The following RGS12 variants were observed in gnomAD, a reference collection of about 807,000 sequenced individuals.
The protein encoded by RGS12 is regulator of G-protein signaling 12.
A neutral mutation model predicts 120.1 loss-of-function variants in RGS12; 66 were observed. That is an observed-to-expected ratio of 0.55 (90% confidence interval 0.45 to 0.67). The LOEUF (loss-of-function observed/expected upper bound fraction) is 0.67, where lower values mean the gene tolerates loss of function less well. RGS12 is among the 30% of genes least tolerant of loss of function. The pLI is 0.00. For synonymous variants in RGS12, 827 were observed against 804.7 expected (o/e 1.03, Z -0.47); for missense variants, 1,859 against 1,957.7 (o/e 0.95, Z 0.95).
Position 3,352,776 on chromosome 4 carries a change from CTT to C in RGS12, c.1998+9726_1998+9727del, listed in dbSNP as rs144670931. 1.0e-3 allele frequency among the ~76,000 whole-genome samples: 152 copies of C among 152,224 alleles called. 1 individual carries two copies. The highest frequency in any genetic ancestry group is 3.5e-3 in the African/African-American group (146 of 41,528). On this transcript the variant is annotated intron_variant, in intron 3 of 17. Transcript: ENST00000336727. ...TTGTGCAAGGTTGTAGTTTTCCAGTCTTTTGTAATAAGTCTTGTTATCAGGCA... is the reference window on the plus strand; with the variant it reads ...TTGTGCAAGGTTGTAGTTTTCCAGTCTTGTAATAAGTCTTGTTATCAGGCA...
intron 4 of RGS12, among the ~76,000 whole-genome samples, chr4:3,402,427 G>T (rs1353433343): frequency 6.6e-6 from 1 of 152,142 alleles, no homozygotes; most frequent in East Asian, 1.9e-4. Flanking sequence ...CCTGAAGCCT[G>T]GTCCTCTGGC....
intron 3 of RGS12, among the ~76,000 whole-genome samples, chr4:3,376,086 G>A (rs1278770803): frequency 6.6e-6 from 1 of 152,212 alleles, no homozygotes; most frequent in Non-Finnish European, 1.5e-5. Flanking sequence ...TGTCCCAGGA[G>A]GACACTACTT....
rs904224682 is a variant in RGS12 at position 3,374,164 on chromosome 4, GGT to G, written c.1999-12251_1999-12250del. Reference sequence around the variant, plus strand: ...TTGGGCGGATGTGGAGGCTGGTTGAGGTTCCTTGCAACGCTTGCCATCCTACG... The same window carrying G: ...TTGGGCGGATGTGGAGGCTGGTTGAGTCCTTGCAACGCTTGCCATCCTACG... On this transcript the variant is annotated intron_variant, in intron 3 of 17. Coordinates refer to ENST00000336727, the MANE Select transcript of RGS12 (RefSeq NM_001394154.1). The surrounding 1 kb of genome is among the most constrained non-coding windows in gnomAD (Gnocchi z 6.3). Among the ~76,000 whole-genome samples the G allele has an allele frequency of 2.0e-5, 3 of 152,226 alleles. No homozygotes were observed. The highest frequency in any genetic ancestry group is 2.9e-5 in the Non-Finnish European group (2 of 68,020).
At chr4:3,370,572 A>G (rs866584989) in intron 3 of RGS12, among the ~76,000 whole-genome samples, 1 of 152,378 alleles carries the variant, frequency 6.6e-6, no homozygotes, top group South Asian at 2.1e-4. Flanking sequence ...CGGGAGCCCA[A>G]GCTGCCAGGT....
intron 3 of RGS12, among the ~76,000 whole-genome samples, chr4:3,384,277 C>T (rs887540819): frequency 6.6e-6 from 1 of 152,158 alleles, no homozygotes; most frequent in Non-Finnish European, 1.5e-5. Flanking sequence ...GCCTCAGCCT[C>T]CCGAGTAGCT....
chr4:3,326,691 A>C (rs939412565), intron 2 of RGS12, among the ~76,000 whole-genome samples: 2 of 152,374 alleles, frequency 1.3e-5, no homozygotes, highest in Non-Finnish European at 2.9e-5. Context: ...TGAGAAAGAA[A>C]TCAAGGAAGC....
chr4:3,401,130 C>A (rs1470908640), intron 4 of RGS12, among the ~76,000 whole-genome samples: 1 of 152,104 alleles, frequency 6.6e-6, no homozygotes, highest in Admixed American at 6.6e-5. Flanking sequence ...CTTTCCTAAG[C>A]AAAACACATG....
At chr4:3,320,507 A>G (rs1725105352) in intron 2 of RGS12, among the ~76,000 whole-genome samples, 1 of 152,224 alleles carries the variant, frequency 6.6e-6, no homozygotes, top group South Asian at 2.1e-4. Flanking sequence ...CTGTCAGGTG[A>G]CTTGCTCACA....
intron 7 of RGS12, among the ~76,000 whole-genome samples, chr4:3,416,709 C>T (rs1445000142): frequency 2.6e-5 from 4 of 152,020 alleles, no homozygotes; most frequent in Admixed American, 2.0e-4. Flanking sequence ...AAGGCTGGTT[C>T]GTTATGAGAA....
intron 2 of RGS12, among the ~76,000 whole-genome samples, chr4:3,340,113 CCATTGTTGG>C (rs1226242651): frequency 6.6e-6 from 1 of 152,252 alleles, no homozygotes; most frequent in Non-Finnish European, 1.5e-5. Context: ...CCTGCGCTCC[CCATTGTTGG>C]GCAGTCAGTC....
intron 3 of RGS12, among the ~76,000 whole-genome samples, chr4:3,373,743 C>T (rs137994092): frequency 2.0e-3 from 303 of 152,282 alleles, no homozygotes; most frequent in African/African-American, 7.0e-3. Context: ...TTGCCCTGAG[C>T]CTGGTGCAGG....
At chr4:3,408,415 G>C (rs1461275735) in intron 4 of RGS12, among the ~76,000 whole-genome samples, 1 of 152,224 alleles carries the variant, frequency 6.6e-6, no homozygotes, top group East Asian at 1.9e-4. Flanking sequence ...GAAAAATGGT[G>C]CTCAGGGGGC....
At chr4:3,340,745 A>AGGAGGCAGGT (rs1477003266) in intron 2 of RGS12, among the ~76,000 whole-genome samples, 3 of 101,016 alleles carry the variant, frequency 3.0e-5, no homozygotes, top group African/African-American at 1.4e-4. Flanking sequence ...CCATGGGAGC[A>AGGAGGCAGGT]GCAGGCAGGT....
intron 3 of RGS12, among the ~76,000 whole-genome samples, chr4:3,362,604 G>A (rs555577132): frequency 2.0e-5 from 3 of 146,846 alleles, no homozygotes; most frequent in South Asian, 4.4e-4. Context: ...GTGAGGGTGC[G>A]AGGATGTCGT....
intron 2 of RGS12, among the ~76,000 whole-genome samples, chr4:3,325,972 T>TCAGCATGATA (rs1418251580): frequency 6.6e-6 from 1 of 152,058 alleles, no homozygotes; most frequent in African/African-American, 2.4e-5. Flanking sequence ...TTGGTAAAAT[T>TCAGCATGATA]CAGCATGATA....
At chr4:3,406,800 C>G (rs370081916) in intron 4 of RGS12, among the ~76,000 whole-genome samples, 156 of 152,280 alleles carry the variant, frequency 1.0e-3, no homozygotes, top group African/African-American at 3.7e-3. Context: ...AAGGGACCAC[C>G]CCATGTGGTG....
At chr4:3,343,342 A>T (rs1713449582) in intron 3 of RGS12, among the ~76,000 whole-genome samples, 1 of 152,164 alleles carries the variant, frequency 6.6e-6, no homozygotes, top group Non-Finnish European at 1.5e-5. Flanking sequence ...ATACTCTACG[A>T]GGTAGGGCCT....
At position 3,375,664 on chromosome 4, in the gene RGS12, CCCTCATCTCCAGCCCTCATCTCCAG is replaced by C. The variant is rs1289825603; in HGVS notation, c.1999-10699_1999-10675del. ...CCTCATCTCCAGCCCTCATCTCCAG[CCCTCATCTCCAGCCCTCATCTCCAG>C]CCTCATCTCCAGCCCTCATCTCCAG... On this transcript the variant is annotated intron_variant, in intron 3 of 17. Coordinates refer to ENST00000336727, the MANE Select transcript of RGS12 (RefSeq NM_001394154.1). Among the ~76,000 whole-genome samples the C allele has an allele frequency of 1.8e-3, 193 of 109,512 alleles. 5 individuals are homozygous for C. The highest frequency in any genetic ancestry group is 5.1e-3 in the African/African-American group (138 of 27,292). The allele number at this position is 109,512 out of a possible 152,430, so 71.8% of individuals were successfully genotyped here. A position where few individuals can be genotyped will look rare whatever the true frequency, so the allele number is the denominator to read the frequency against.
intron 3 of RGS12, among the ~76,000 whole-genome samples, chr4:3,379,566 A>G (rs1486667745): frequency 6.6e-6 from 1 of 152,202 alleles, no homozygotes; most frequent in Non-Finnish European, 1.5e-5. Flanking sequence ...GAGACTGGGT[A>G]ATTTTTAAAG....
Sources: gnomAD v4.1 joint callset for allele counts (sites outside exome capture counted in the v4.1 genomes callset) on GRCh38, gnomAD v4.1.1 for gene constraint, Gnocchi (gnomAD v3.1) non-coding constraint, MANE v1.5 for transcripts, NCBI Gene and HGNC (gene_info 2026-07-23, HGNC 2026-07-21) for gene names.